ARL14EPL: variants seen among roughly 807,000 people sequenced by gnomAD.
The protein encoded by ARL14EPL is ARL14 effector protein-like.
In ARL14EPL, 17 loss-of-function variants were observed where a neutral mutation model predicts 15.9. The ratio of observed to expected loss-of-function variants is 1.07; its 90% confidence interval spans 0.73 to 1.60. The LOEUF (loss-of-function observed/expected upper bound fraction) is 1.60, where lower values mean the gene tolerates loss of function less well. Ranked by LOEUF, ARL14EPL falls within the 40% of genes most tolerant of loss-of-function variation. The pLI is 0.00. For missense variants in ARL14EPL, 214 were observed against 185.9 expected (o/e 1.15, Z -0.88); for synonymous variants, 78 against 63.8 (o/e 1.22, Z -1.06).
At chr5:116,041,008 C>T (rs1212742176) in intron 1 of ARL14EPL, among the ~76,000 whole-genome samples, 4 of 94,286 alleles carry the variant, frequency 4.2e-5, no homozygotes, top group African/African-American at 1.5e-4. Context: ...TTATGCTGTG[C>T]ATCAAAAAAC....
chr5:116,051,701 G>A (rs990013102), intron 2 of ARL14EPL, 140 bp downstream of exon 2: 1 of 776,992 alleles, frequency 1.3e-6, no homozygotes, highest in South Asian at 1.8e-5. Context: ...GGCTGATAGA[G>A]CTTTCCCTCC....
rs1454274346 is a variant in ARL14EPL, at chr5:116,058,878, G to T, written c.390G>T (p.Trp130Cys). Residue 130 changes from tryptophan (W) to cysteine (C), a missense_variant, in exon 4 of 4, where the codon TGG becomes TGT. Physicochemically the swap from Trp to Cys is radical, Grantham distance 215 (BLOSUM62 -2). Transcript: ENST00000686077. ...CGPECRCNRR[W>C]VYDAIVTESG... ...CCGAGTGCCGCTGCAACCGACGGTG[G>T]GTTTACGATGCCATCGTCACTGAGT... The T allele has an allele frequency of 6.5e-7, 1 of 1,536,082 alleles. No individual in the cohort carries two copies. Among genetic ancestry groups the T allele is most frequent in the Non-Finnish European group, 8.7e-7 (1 of 1,146,900 alleles).
chr5:116,040,814 C>CAAAA (rs58840428), intron 1 of ARL14EPL, among the ~76,000 whole-genome samples: 2 of 106,538 alleles, frequency 1.9e-5, no homozygotes, highest in Non-Finnish European at 4.1e-5. Context: ...ACTAAAAATA[C>CAAAA]AAAAAAAAAA....
chr5:116,049,368 C>T (rs1414395554), intron 1 of ARL14EPL, among the ~76,000 whole-genome samples: 1 of 152,178 alleles, frequency 6.6e-6, no homozygotes, highest in African/African-American at 2.4e-5. Context: ...TTATCTTCTA[C>T]AAGTTGAAAA....
chr5:116,054,417 A>G (rs528931769), intron 3 of ARL14EPL, among the ~76,000 whole-genome samples: 5 of 152,354 alleles, frequency 3.3e-5, no homozygotes, highest in Admixed American at 2.6e-4. Context: ...AGATGATTTA[A>G]AAGTAACAAA....
chr5:116,056,733 C>T (rs1749526947), intron 3 of ARL14EPL, among the ~76,000 whole-genome samples: 1 of 152,264 alleles, frequency 6.6e-6, no homozygotes, highest in East Asian at 1.9e-4. Flanking sequence ...ATGCCTATAT[C>T]CTGAATGGTA....
chr5:116,055,091 A>G (rs1335060653), intron 3 of ARL14EPL, among the ~76,000 whole-genome samples: 1 of 152,310 alleles, frequency 6.6e-6, no homozygotes, highest in East Asian at 1.9e-4. Context: ...CAGACATTTC[A>G]TAGAGGAAAC....
At position 116,036,993 on chromosome 5, in the gene ARL14EPL, C is replaced by A. The variant is rs1285425007; in HGVS notation, c.-10+4488C>A. Among the ~76,000 whole-genome samples, 4 of 151,982 alleles carry A rather than the reference C, an allele frequency of 2.6e-5. No homozygotes were observed. In the East Asian group the frequency reaches 7.7e-4, roughly 29 times the overall value. On this transcript the variant is annotated intron_variant, in intron 1 of 3. Transcript: ENST00000686077. ...TAATTTGCAACTCTCCTCCTCTGAGCAGCCCTTTTCTCAGCAGTAAAATGA... is the reference window on the plus strand; with the variant it reads ...TAATTTGCAACTCTCCTCCTCTGAGAAGCCCTTTTCTCAGCAGTAAAATGA...
intron 2 of ARL14EPL, 34 bp downstream of exon 2, chr5:116,051,595 T>G: frequency 2.0e-6 from 3 of 1,481,628 alleles, no homozygotes; most frequent in Non-Finnish European, 2.7e-6. Flanking sequence ...TCCATGCTAC[T>G]GGGGAGTGCC....
chr5:116,043,632 G>A (rs1026115034), intron 1 of ARL14EPL, among the ~76,000 whole-genome samples: 4 of 151,968 alleles, frequency 2.6e-5, no homozygotes, highest in Non-Finnish European at 5.9e-5. Context: ...AATAATACAG[G>A]ATAATTATTT....
intron 3 of ARL14EPL, among the ~76,000 whole-genome samples, chr5:116,057,651 T>G (rs1021196058): frequency 1.2e-4 from 19 of 152,204 alleles, no homozygotes; most frequent in African/African-American, 3.9e-4. Flanking sequence ...AAGTGAATCT[T>G]CATTAGAAGG....
rs114525138 is a variant in ARL14EPL, at chr5:116,046,621, T to C, written c.-9-4836T>C. 4.6e-3 allele frequency among the ~76,000 whole-genome samples: 696 copies of C among 152,278 alleles called. 4 individuals are homozygous for C. The highest frequency in any genetic ancestry group is 0.016 in the African/African-American group (685 of 41,550). ...GTAAACATCATGTATCCATCATAGA[T>C]AATTCAGCCATCATGGCTCCTATGT... On this transcript the variant is annotated intron_variant, in intron 1 of 3. Transcript: ENST00000686077.
intron 1 of ARL14EPL, among the ~76,000 whole-genome samples, chr5:116,044,006 A>G (rs1749216834): frequency 6.6e-6 from 1 of 152,180 alleles, no homozygotes. Flanking sequence ...TTTGCATTTT[A>G]TCAATCTGGA....
At chr5:116,051,899 G>C in intron 2 of ARL14EPL, 2 of 1,455,464 alleles carry the variant, frequency 1.4e-6, no homozygotes, top group East Asian at 2.3e-5. Flanking sequence ...TGTACAGCTG[G>C]TTGGACCTAT....
At chr5:116,043,328 A>G (rs892500275) in intron 1 of ARL14EPL, among the ~76,000 whole-genome samples, 1 of 152,058 alleles carries the variant, frequency 6.6e-6, no homozygotes, top group African/African-American at 2.4e-5. Flanking sequence ...GTGCTTTAGT[A>G]TGTGAATCCT....
intron 1 of ARL14EPL, among the ~76,000 whole-genome samples, chr5:116,040,948 C>T (rs1331821359): frequency 8.9e-6 from 1 of 112,802 alleles, no homozygotes; most frequent in Non-Finnish European, 1.7e-5. Flanking sequence ...CCACTGCACT[C>T]CAGCCTGGGA....
intron 1 of ARL14EPL, among the ~76,000 whole-genome samples, chr5:116,036,937 T>A (rs1749059292): frequency 6.6e-6 from 1 of 152,208 alleles, no homozygotes; most frequent in African/African-American, 2.4e-5. Flanking sequence ...TAAAGATTTT[T>A]TTTTTTGCTT....
At chr5:116,037,165 C>G (rs1430754779) in intron 1 of ARL14EPL, among the ~76,000 whole-genome samples, 1 of 152,188 alleles carries the variant, frequency 6.6e-6, no homozygotes, top group African/African-American at 2.4e-5. Context: ...CAGCATGGCT[C>G]TTGCCTCCCA....
intron 1 of ARL14EPL, among the ~76,000 whole-genome samples, chr5:116,035,506 T>C (rs1308404114): frequency 6.6e-6 from 1 of 152,154 alleles, no homozygotes; most frequent in Non-Finnish European, 1.5e-5. Flanking sequence ...TGCGAACTGA[T>C]TACAAGGAAT....
Sources: gnomAD v4.1 joint callset for allele counts (sites outside exome capture counted in the v4.1 genomes callset) on GRCh38, gnomAD v4.1.1 for gene constraint, MANE v1.5 for transcripts, NCBI Gene and HGNC (gene_info 2026-07-23, HGNC 2026-07-21) for gene names.